PTPRN2: variants seen among roughly 807,000 people sequenced by gnomAD.
The protein encoded by PTPRN2 is receptor-type tyrosine-protein phosphatase N2.
A neutral mutation model predicts 118.8 loss-of-function variants in PTPRN2; 74 were observed. That is an observed-to-expected ratio of 0.62 (90% confidence interval 0.52 to 0.76). The LOEUF (loss-of-function observed/expected upper bound fraction) is 0.76. Among genes scored for constraint, PTPRN2 ranks in the 30% least tolerant of loss-of-function variants. PTPRN2 has a pLI of 0.00. For missense variants in PTPRN2, 1,481 were observed against 1,394.4 expected (o/e 1.06, Z -0.99); for synonymous variants, 641 against 608.0 (o/e 1.05, Z -0.80).
chr7:157,627,694 T>G lies in PTPRN2; in HGVS notation c.2197-6185A>C, dbSNP rs1803669392. ...AGGTGTCTCCAACCTTCTCAAATTC[T>G]CATACTTCCTGAGGGCCTAGACATG... On this transcript the variant is annotated intron_variant, in intron 14 of 22. Transcript: ENST00000389418. The surrounding 1 kb of genome is among the most constrained non-coding windows in gnomAD (Gnocchi z 4.2). Among the ~76,000 whole-genome samples the G allele has an allele frequency of 1.3e-5, 2 of 152,198 alleles. No individual in the cohort carries two copies. The highest frequency in any genetic ancestry group is 2.4e-5 in the African/African-American group (1 of 41,460).
At chr7:157,809,744 C>T (rs1395040661) in intron 12 of PTPRN2, among the ~76,000 whole-genome samples, 2 of 152,152 alleles carry the variant, frequency 1.3e-5, no homozygotes, top group Non-Finnish European at 2.9e-5. Context: ...GTGGCCCTGA[C>T]AACACCTGGA....
chr7:158,068,485 C>T (rs1015370076), intron 11 of PTPRN2, among the ~76,000 whole-genome samples: 15 of 152,346 alleles, frequency 9.8e-5, no homozygotes, highest in East Asian at 1.9e-4. Context: ...CTCAGCAGAA[C>T]GGAGGCCGCG....
intron 15 of PTPRN2, among the ~76,000 whole-genome samples, chr7:157,613,744 C>G (rs1802550305): frequency 6.6e-6 from 1 of 152,214 alleles, no homozygotes; most frequent in African/African-American, 2.4e-5. Flanking sequence ...CGTGGATGAG[C>G]AAACCTGCAC....
intron 2 of PTPRN2, among the ~76,000 whole-genome samples, chr7:158,324,186 C>T (rs148128973): frequency 2.0e-5 from 3 of 152,284 alleles, no homozygotes; most frequent in African/African-American, 4.8e-5. Flanking sequence ...GACGGCACCT[C>T]GCCTCTACCG....
intron 3 of PTPRN2, among the ~76,000 whole-genome samples, chr7:158,238,355 A>G (rs1343258494): frequency 6.6e-6 from 1 of 151,954 alleles, no homozygotes; most frequent in Non-Finnish European, 1.5e-5. Flanking sequence ...TTACTATAAA[A>G]TAAAGCGGGG....
intron 12 of PTPRN2, among the ~76,000 whole-genome samples, chr7:157,806,287 G>A (rs1453046147): frequency 6.6e-6 from 1 of 152,136 alleles, no homozygotes; most frequent in Non-Finnish European, 1.5e-5. Context: ...AAAAGTTTTC[G>A]ATTTGGGGGC....
At chr7:157,717,968 C>T (rs1037602478) in intron 12 of PTPRN2, among the ~76,000 whole-genome samples, 8 of 152,384 alleles carry the variant, frequency 5.2e-5, no homozygotes, top group African/African-American at 1.7e-4. Flanking sequence ...TATTTCTACG[C>T]GTGTGGGCAG....
At position 158,587,674 on chromosome 7, in the gene PTPRN2, G is replaced by C; in HGVS notation, c.-5C>G. The C allele has an allele frequency of 7.6e-7, 1 of 1,324,444 alleles. No homozygotes were observed. The highest frequency in any genetic ancestry group is 9.6e-7 in the Non-Finnish European group (1 of 1,040,354). The allele number at this position is 1,324,444 out of a possible 1,614,324, so 82.0% of individuals were successfully genotyped here. ...CAGCGGGAGCGGCGGCCCCATCCCC[G>C]CGGCCTGGCCGGCGGCGCTCAGTCC... On this transcript the variant is annotated 5_prime_UTR_variant, in exon 1 of 23. Coordinates refer to ENST00000389418, the MANE Select transcript of PTPRN2 (RefSeq NM_002847.5).
chr7:157,675,378 C>T (rs1796616858), intron 13 of PTPRN2, among the ~76,000 whole-genome samples: 2 of 152,174 alleles, frequency 1.3e-5, no homozygotes, highest in Admixed American at 1.3e-4. Flanking sequence ...CTGACCTTAC[C>T]CCCCAGGGCC....
At chr7:158,083,864 G>C (rs1217294141) in intron 10 of PTPRN2, among the ~76,000 whole-genome samples, 3 of 151,300 alleles carry the variant, frequency 2.0e-5, no homozygotes, top group Non-Finnish European at 4.4e-5. Flanking sequence ...GGCATGAGGA[G>C]CTGTCTCCGG....
chr7:157,724,643 G>T (rs1799426454), intron 12 of PTPRN2, among the ~76,000 whole-genome samples: 1 of 152,180 alleles, frequency 6.6e-6, no homozygotes, highest in South Asian at 2.1e-4. Context: ...ACTCATGCAA[G>T]CCTGCAGCTG....
chr7:158,220,290 A>G lies in PTPRN2; in HGVS notation c.278-15017T>C, dbSNP rs1031317236. Among the ~76,000 whole-genome samples, 4 of 152,170 alleles carry G rather than the reference A, an allele frequency of 2.6e-5. No homozygotes were observed. The East Asian group carries it at 5.8e-4, about 22-fold the overall frequency. ...CAAAATGCCCACTCTCATCACTCCT[A>G]TTCAACATAGTATTGGAATTCCTAG... On this transcript the variant is annotated intron_variant, in intron 3 of 22. Transcript: ENST00000389418.
rs1342262659 is a variant in PTPRN2, at chr7:157,676,667, G to A, written c.2001+6058C>T. ...TGCCACTGGCCCTGTGGGCTGGGGC[G>A]CCTCTCAGTTTATCTGCTGCTGACT... is the stretch of plus-strand genomic sequence containing the variant. On this transcript the variant is annotated intron_variant, in intron 13 of 22. Coordinates refer to ENST00000389418, the MANE Select transcript of PTPRN2 (RefSeq NM_002847.5). This position sits in a 1 kb window ranked among gnomAD's most constrained non-coding sequence, Gnocchi z 5.6. 6.6e-6 allele frequency among the ~76,000 whole-genome samples: 1 copy of A among 152,204 alleles called. No homozygotes were observed. Among genetic ancestry groups the A allele is most frequent in the African/African-American group, 2.4e-5 (1 of 41,440 alleles).
In PTPRN2 at chr7:158,143,540, G is replaced by A. The variant is rs191570249; in HGVS notation, c.911-5025C>T. Among the ~76,000 whole-genome samples, 43 of 152,276 alleles carry A rather than the reference G, an allele frequency of 2.8e-4. No individual in the cohort carries two copies. The South Asian group carries it at 7.5e-3, about 26-fold the overall frequency. Reference sequence around the variant, plus strand: ...CCAGTCCCCGTGATGGAATTTCATCGGAGGGAAAGAAACAGGGAGGTGAGG... The same window carrying A: ...CCAGTCCCCGTGATGGAATTTCATCAGAGGGAAAGAAACAGGGAGGTGAGG... On this transcript the variant is annotated intron_variant, in intron 6 of 22. Transcript: ENST00000389418.
At chr7:157,545,402 A>AGTGGGTGT in intron 22 of PTPRN2, among the ~76,000 whole-genome samples, 1 of 110,190 alleles carries the variant, frequency 9.1e-6, no homozygotes, top group South Asian at 3.1e-4. Context: ...GCACTGCGTG[A>AGTGGGTGT]GTGGGTGTGT....
At chr7:157,936,358 A>G (rs994036178) in intron 11 of PTPRN2, among the ~76,000 whole-genome samples, 1 of 152,026 alleles carries the variant, frequency 6.6e-6, no homozygotes, top group African/African-American at 2.4e-5. Context: ...GACATCCCAA[A>G]CCAGACTCTA....
intron 11 of PTPRN2, among the ~76,000 whole-genome samples, chr7:158,070,958 G>T (rs537888898): frequency 8.4e-6 from 1 of 119,208 alleles, no homozygotes; most frequent in South Asian, 2.9e-4. Context: ...CCGTGGTGGT[G>T]GAGGTGCTCA....
At chr7:158,277,646 G>T (rs1190759269) in intron 3 of PTPRN2, among the ~76,000 whole-genome samples, 2 of 152,198 alleles carry the variant, frequency 1.3e-5, no homozygotes, top group African/African-American at 4.8e-5. Context: ...CACACGCAGG[G>T]GCTGGGACAT....
chr7:158,267,253 G>A (rs756872590), intron 3 of PTPRN2, among the ~76,000 whole-genome samples: 20 of 152,212 alleles, frequency 1.3e-4, no homozygotes, highest in African/African-American at 3.9e-4. Context: ...GTGAGCACAC[G>A]GGATGATGGG....
Sources: gnomAD v4.1 joint callset for allele counts (sites outside exome capture counted in the v4.1 genomes callset) on GRCh38, gnomAD v4.1.1 for gene constraint, Gnocchi (gnomAD v3.1) non-coding constraint, MANE v1.5 for transcripts, NCBI Gene and HGNC (gene_info 2026-07-23, HGNC 2026-07-21) for gene names.